The following DENND4B variants were observed in gnomAD, a reference collection of about 807,000 sequenced individuals.
The protein encoded by DENND4B is DENN domain-containing protein 4B.
DENND4B carries 67 observed loss-of-function variants against 161.0 expected under a neutral mutation model. The ratio of observed to expected loss-of-function variants is 0.42; its 90% CI spans 0.34 to 0.51. The LOEUF is 0.51. Among genes scored for constraint, DENND4B ranks in the 20% least tolerant of loss-of-function variants. The probability of loss-of-function intolerance (pLI) is 0.08; values close to 1 mark genes in which losing one functional copy is unlikely to be tolerated. For missense variants in DENND4B, 1,481 were observed against 1,968.0 expected (o/e 0.75, Z 4.68); for synonymous variants, 753 against 813.8 (o/e 0.93, Z 1.27).
Position 153,944,152 on chromosome 1 carries a change from G to A in DENND4B, c.223C>T (p.His75Tyr), listed in dbSNP as rs766542826. The A allele has an allele frequency of 1.2e-5, 20 of 1,613,040 alleles. No homozygotes were observed. Among genetic ancestry groups the A allele is most frequent in the Non-Finnish European group, 1.0e-5 (12 of 1,179,558 alleles). The change falls in exon 2 of 28, where the codon CAC becomes TAC. Residue 75 changes from histidine (H) to tyrosine (Y), a missense_variant. Coordinates refer to ENST00000361217, the MANE Select transcript of DENND4B (RefSeq NM_014856.3). This position sits in a 1 kb window ranked among gnomAD's most constrained non-coding sequence, Gnocchi z 4.8. ...AGTCCAGCACTGAGTTCCAAGGGGT[G>A]GCCCCCAGCAGAAGCCTGGATGCAT... Reference protein sequence around the residue: ...YTCIQASAGGHPLELSAGLLG... With the variant: ...YTCIQASAGGYPLELSAGLLG...
In DENND4B at chr1:153,942,764, C is replaced by A; in HGVS notation, c.570+114G>T. The A allele has an allele frequency of 6.8e-7, 1 of 1,481,186 alleles. No individual in the cohort carries two copies. Among genetic ancestry groups the A allele is most frequent in the Non-Finnish European group, 9.0e-7 (1 of 1,110,018 alleles). The allele number at this position is 1,481,186 out of a possible 1,614,324, so 91.8% of individuals were successfully genotyped here. A position where few individuals can be genotyped will look rare whatever the true frequency, so the allele number is the denominator to read the frequency against. The stretch of plus-strand genomic sequence containing the variant: ...CCAGTGCCCCAAGACCAGAGTTACC[C>A]CTCTGGACTCACCCCTGTGGTCAGA... On this transcript the variant is annotated intron_variant, in intron 3 of 27. Coordinates refer to ENST00000361217, the MANE Select transcript of DENND4B (RefSeq NM_014856.3). This position sits in a 1 kb window ranked among gnomAD's most constrained non-coding sequence, Gnocchi z 6.9.
At position 153,930,679 on chromosome 1, in the gene DENND4B, G is replaced by T. The variant is rs531277377; in HGVS notation, c.4280+13C>A. On this transcript the variant is annotated intron_variant, in intron 26 of 27. Transcript: ENST00000361217. This position sits in a 1 kb window ranked among gnomAD's most constrained non-coding sequence, Gnocchi z 4.7. ...CGGACAGACCAGGGATCACCCAGAT[G>T]GTAGCACCATACCTCTGCAGGTGCA... 8 of 1,613,226 alleles carry T rather than the reference G, an allele frequency of 5.0e-6. 1 individual carries two copies. The highest frequency in any genetic ancestry group is 6.8e-6 in the Non-Finnish European group (8 of 1,179,464).
chr1:153,938,685 GA>G (rs1387150616), intron 13 of DENND4B, among the ~76,000 whole-genome samples: 2 of 149,002 alleles, frequency 1.3e-5, no homozygotes, highest in Admixed American at 6.7e-5. Flanking sequence ...CTGGGCGACA[GA>G]GCAAGACTTC....
At chr1:153,941,774 A>AGGCCGGG in intron 6 of DENND4B, 95 bp downstream of exon 6, 1 of 618,134 alleles carries the variant, frequency 1.6e-6, no homozygotes, top group Non-Finnish European at 2.8e-6. Flanking sequence ...CCCTGTGCCC[A>AGGCCGGG]GCCCTCCCCC....
chr1:153,936,630 C>T lies in DENND4B; in HGVS notation c.2351G>A (p.Arg784Gln), dbSNP rs556363750. 6 of 1,613,446 alleles carry T rather than the reference C, an allele frequency of 3.7e-6. No homozygotes were observed. The highest frequency in any genetic ancestry group is 3.3e-5 in the South Asian group (3 of 91,014). The stretch of plus-strand genomic sequence containing the variant: ...TGCCTGCACTCGGGAGGGTGCCGAC[C>T]GCACATAGGCAGGCAGACACAGGAA... ...LWFLCLPAYV[R>Q]SAPSRVQALH... The change falls in exon 16 of 28, where the codon CGG (arginine) becomes CAG (glutamine). Residue 784 changes from arginine (R) to glutamine (Q), a missense_variant. By Grantham distance (43) the Arg-to-Gln change is conservative. This residue lies in a region of DENND4B where 806 missense variants were observed against 1,134.4 expected (regional missense o/e 0.71). Coordinates refer to ENST00000361217, the MANE Select transcript of DENND4B (RefSeq NM_014856.3). The surrounding 1 kb of genome is among the most constrained non-coding windows in gnomAD (Gnocchi z 4.1).
At chr1:153,939,501 C>A (rs1679546760) in intron 12 of DENND4B, 88 bp downstream of exon 12, 1 of 1,414,318 alleles carries the variant, frequency 7.1e-7, no homozygotes, top group Non-Finnish European at 9.6e-7. Flanking sequence ...TGGAGTGGCT[C>A]CCAGTCCCCT....
In DENND4B at chr1:153,937,934, T is replaced by C. The variant is rs1679441975; in HGVS notation, c.1966-71A>G. On this transcript the variant is annotated intron_variant, in intron 13 of 27. Coordinates refer to ENST00000361217, the MANE Select transcript of DENND4B (RefSeq NM_014856.3). The surrounding 1 kb of genome is among the most constrained non-coding windows in gnomAD (Gnocchi z 4.7). ...GAGCAGAGCCAGGGTGTCTAGACGATGGCATCTCCCAGGAAAGCTCATCCA... is the reference window on the plus strand; with the variant it reads ...GAGCAGAGCCAGGGTGTCTAGACGACGGCATCTCCCAGGAAAGCTCATCCA... 1.9e-6 allele frequency: 3 copies of C among 1,597,094 alleles called. No individual in the cohort carries two copies. Among genetic ancestry groups the C allele is most frequent in the Non-Finnish European group, 2.6e-6 (3 of 1,169,390 alleles).
chr1:153,936,184 C>A lies in DENND4B; in HGVS notation c.2444G>T (p.Cys815Phe), dbSNP rs756215412. Reference sequence around the variant, plus strand: ...GCAGAGCTGCATCAGTACCCGGTAACACACCTGGGCCAGGAGAGGCACAGG... The same window carrying A: ...GCAGAGCTGCATCAGTACCCGGTAAAACACCTGGGCCAGGAGAGGCACAGG... ...SGKVVLPDEV[C>F]YRVLMQLCSH... The change falls in exon 17 of 28, where the codon TGT (cysteine) becomes TTT (phenylalanine). Residue 815 changes from cysteine to phenylalanine, a missense_variant. Cys to Phe is a radical substitution (Grantham distance 205). Transcript: ENST00000361217. This position sits in a 1 kb window ranked among gnomAD's most constrained non-coding sequence, Gnocchi z 4.1. The A allele has an allele frequency of 1.9e-6, 3 of 1,604,494 alleles. No homozygotes were observed. Among genetic ancestry groups the A allele is most frequent in the Non-Finnish European group, 2.6e-6 (3 of 1,175,640 alleles).
Position 153,937,809 on chromosome 1 carries a change from GCTC to G in DENND4B, c.2017_2019del (p.Glu673del). 1 of 1,613,968 alleles carries G rather than the reference GCTC, an allele frequency of 6.2e-7. No homozygotes were observed. Among genetic ancestry groups the G allele is most frequent in the Non-Finnish European group, 8.5e-7 (1 of 1,179,872 alleles). The stretch of plus-strand genomic sequence containing the variant: ...AAGACAGTGAGCTCACTTCCTGACA[GCTC>G]CTCTAGCTCCACTAAGGGTGTCGGC... On this transcript the variant is annotated inframe_deletion, in exon 14 of 28. Coordinates refer to ENST00000361217, the MANE Select transcript of DENND4B (RefSeq NM_014856.3). This position sits in a 1 kb window ranked among gnomAD's most constrained non-coding sequence, Gnocchi z 4.7.
Position 153,932,986 on chromosome 1 carries a change from C to T in DENND4B, c.3498G>A (p.Leu1166=). The change falls in exon 22 of 28, where the codon CTG becomes CTA. Residue 1166 remains leucine, a synonymous_variant. Coordinates refer to ENST00000361217, the MANE Select transcript of DENND4B (RefSeq NM_014856.3). The surrounding 1 kb of genome is among the most constrained non-coding windows in gnomAD (Gnocchi z 5.8). ...SCSLCRACDS[L]VYDEEIMAGW... ...CAGCCATGATTTCCTCATCATACAC[C>T]AGCGAATCACAGGCACGGCACAGGG... 4 of 1,613,966 alleles carry T rather than the reference C, an allele frequency of 2.5e-6. No individual in the cohort carries two copies. Among genetic ancestry groups the T allele is most frequent in the Non-Finnish European group, 3.4e-6 (4 of 1,179,886 alleles).
chr1:153,943,276 G>T, intron 2 of DENND4B, 146 bp from the exon 3 acceptor site: 1 of 1,173,524 alleles, frequency 8.5e-7, no homozygotes, highest in Non-Finnish European at 1.2e-6. Flanking sequence ...ACCTCTTCTT[G>T]CTGAACTCTG....
Position 153,936,745 on chromosome 1 carries a change from T to A in DENND4B, c.2236A>T (p.Met746Leu), listed in dbSNP as rs1679361187. ...SPAPRRTKQE[M>L]KVAQRMAQKS... is the part of the protein sequence containing the mutation. ...TGTGCCATCCGCTGTGCAACTTTCATCTCCTAGGTAGGACAGGGGACACAT... is the reference window on the plus strand; with the variant it reads ...TGTGCCATCCGCTGTGCAACTTTCAACTCCTAGGTAGGACAGGGGACACAT... Residue 746 changes from methionine to leucine, a missense_variant, in exon 16 of 28, where the codon ATG becomes TTG. By Grantham distance (15) the Met-to-Leu change is conservative. Transcript: ENST00000361217. This position sits in a 1 kb window ranked among gnomAD's most constrained non-coding sequence, Gnocchi z 4.1. 2 of 1,583,590 alleles carry A rather than the reference T, an allele frequency of 1.3e-6. No individual in the cohort carries two copies. Among genetic ancestry groups the A allele is most frequent in the African/African-American group, 2.7e-5 (2 of 74,464 alleles).
At chr1:153,941,774 A>T in intron 6 of DENND4B, 95 bp downstream of exon 6, 41 of 618,076 alleles carry the variant, frequency 6.6e-5, no homozygotes, top group Non-Finnish European at 1.0e-4. Flanking sequence ...CCCTGTGCCC[A>T]GCCCTCCCCC....
At position 153,943,107 on chromosome 1, in the gene DENND4B, C is replaced by G; in HGVS notation, c.341G>C (p.Arg114Pro). 2 of 1,613,558 alleles carry G rather than the reference C, an allele frequency of 1.2e-6. No homozygotes were observed. Among genetic ancestry groups the G allele is most frequent in the Non-Finnish European group, 1.7e-6 (2 of 1,179,660 alleles). ...ELGVLYEGKE[R>P]PKPGFQVLDT... ...AAGCACTTGGAAGCCAGGCTTGGGACGTTCCTTCCCCTCATACAACACCCT... is the reference window on the plus strand; with the variant it reads ...AAGCACTTGGAAGCCAGGCTTGGGAGGTTCCTTCCCCTCATACAACACCCT... Residue 114 changes from arginine (R) to proline (P), a missense_variant, in exon 3 of 28, where the codon CGT (arginine) becomes CCT (proline). By Grantham distance (103) the Arg-to-Pro change is moderately radical. Transcript: ENST00000361217.
At position 153,932,996 on chromosome 1, in the gene DENND4B, C is replaced by T. The variant is rs1679058205; in HGVS notation, c.3488G>A (p.Cys1163Tyr). 1 of 1,613,876 alleles carries T rather than the reference C, an allele frequency of 6.2e-7. No individual in the cohort carries two copies. Among genetic ancestry groups the T allele is most frequent in the African/African-American group, 1.3e-5 (1 of 74,928 alleles). Residue 1163 changes from cysteine (C) to tyrosine (Y), a missense_variant, in exon 22 of 28, where the codon TGT becomes TAT. Physicochemically the swap from Cys to Tyr is radical, Grantham distance 194 (BLOSUM62 -2). Around this residue, in one of 3 missense-constraint regions of DENND4B, gnomAD observed 336 missense variants for 503.3 expected, o/e 0.67. Coordinates refer to ENST00000361217, the MANE Select transcript of DENND4B (RefSeq NM_014856.3). This position sits in a 1 kb window ranked among gnomAD's most constrained non-coding sequence, Gnocchi z 5.8. ...LLSSCSLCRACDSLVYDEEIM... is the reference protein window; with the variant it reads ...LLSSCSLCRAYDSLVYDEEIM... The stretch of plus-strand genomic sequence containing the variant: ...TTCCTCATCATACACCAGCGAATCA[C>T]AGGCACGGCACAGGGAGCAGCTGGA...
Position 153,942,934 on chromosome 1 carries a change from C to T in DENND4B, c.514G>A (p.Gly172Ser). The T allele has an allele frequency of 6.2e-7, 1 of 1,612,752 alleles. No individual in the cohort carries two copies. Among genetic ancestry groups the T allele is most frequent in the East Asian group, 2.2e-5 (1 of 44,834 alleles). Residue 172 changes from glycine (G) to serine (S), a missense_variant, in exon 3 of 28, where the codon GGC becomes AGC. Gly to Ser is a moderately conservative substitution (Grantham distance 56). This residue lies in a region of DENND4B where 806 missense variants were observed against 1,134.4 expected (regional missense o/e 0.71). Coordinates refer to ENST00000361217, the MANE Select transcript of DENND4B (RefSeq NM_014856.3). This position sits in a 1 kb window ranked among gnomAD's most constrained non-coding sequence, Gnocchi z 6.9. Reference protein sequence around the residue: ...TDLCLVLPSKGEGTPHTYCRL... With the variant: ...TDLCLVLPSKSEGTPHTYCRL... ...CAGTAAGTATGAGGAGTGCCCTCGC[C>T]CTTACTGGGCAGCACCAGGCAGAGG...
At position 153,939,024 on chromosome 1, in the gene DENND4B, CGTTCCCGGGA is replaced by C; in HGVS notation, c.1831_1840del (p.Ser611AlafsTer55). On this transcript the variant is annotated frameshift_variant, in exon 13 of 28. Transcript: ENST00000361217. LOFTEE classifies it high-confidence loss of function. ...CTGAGAGTAAAGTTTGTGGCTGGAG[CGTTCCCGGGA>C]TTTGAGGAAGCCTGAGGGGTATGAG... 6.2e-7 allele frequency: 1 copy of C among 1,611,596 alleles called. No homozygotes were observed.
In DENND4B at chr1:153,932,035, G is replaced by C; in HGVS notation, c.3996+169C>G. 1.6e-6 allele frequency: 1 copy of C among 614,528 alleles called. No individual in the cohort carries two copies. 38.1% of individuals were successfully genotyped at this position (614,528 alleles called of 1,614,324 possible). Reference sequence around the variant, plus strand: ...TTGGTCAGGCTGGTCTCGAACTCCTGACCTCAGGTGATTCGCCCACCTCGG... The same window carrying C: ...TTGGTCAGGCTGGTCTCGAACTCCTCACCTCAGGTGATTCGCCCACCTCGG... On this transcript the variant is annotated intron_variant, in intron 24 of 27. Transcript: ENST00000361217. The surrounding 1 kb of genome is among the most constrained non-coding windows in gnomAD (Gnocchi z 5.8).
At position 153,934,196 on chromosome 1, in the gene DENND4B, C is replaced by A. The variant is rs1679172081; in HGVS notation, c.2880G>T (p.Lys960Asn). The A allele has an allele frequency of 6.2e-7, 1 of 1,606,466 alleles. No homozygotes were observed. Among genetic ancestry groups the A allele is most frequent in the Non-Finnish European group, 8.5e-7 (1 of 1,177,326 alleles). The change falls in exon 19 of 28, where the codon AAG (lysine) becomes AAT (asparagine). Residue 960 changes from lysine (K) to asparagine (N), a missense_variant. Lys to Asn is a moderately conservative substitution (Grantham distance 94, BLOSUM62 0). This residue lies in a region of DENND4B where 339 missense variants were observed against 330.3 expected (regional missense o/e 1.03). Coordinates refer to ENST00000361217, the MANE Select transcript of DENND4B (RefSeq NM_014856.3). The surrounding 1 kb of genome is among the most constrained non-coding windows in gnomAD (Gnocchi z 5.3). Reference sequence around the variant, plus strand: ...CTCGGGCACTGCCCAGGCTACCACTCTTCACCAGGCGTCCAGGGGGTGAGG... The same window carrying A: ...CTCGGGCACTGCCCAGGCTACCACTATTCACCAGGCGTCCAGGGGGTGAGG... ...DPASPPGRLVKSGSLGSARGA... is the reference protein window; with the variant it reads ...DPASPPGRLVNSGSLGSARGA...
Sources: allele counts gnomAD v4.1 joint callset (sites outside exome capture counted in the v4.1 genomes callset), GRCh38; gene constraint gnomAD v4.1.1; regional missense constraint gnomAD v4.1.1; non-coding constraint Gnocchi (gnomAD v3.1); transcripts MANE v1.5; gene names NCBI Gene and HGNC (gene_info 2026-07-23, HGNC 2026-07-21).